Variants in CIC observed in about 807,000 individuals in gnomAD.
CIC encodes capicua transcriptional repressor, also known as protein capicua homolog.
Under a neutral mutation model 115.7 loss-of-function variants are expected in CIC, and 18 were observed. That is an observed-to-expected ratio of 0.16 (90% CI 0.11 to 0.23). CIC has a LOEUF of 0.23. CIC is among the 10% of genes least tolerant of loss of function. CIC has a pLI of 1.00. For missense variants in CIC, 2,000 were observed against 2,159.3 expected (o/e 0.93, Z 1.46); for synonymous variants, 1,076 against 923.0 (o/e 1.17, Z -3.01).
At position 42,292,481 on chromosome 19, in the gene CIC, G is replaced by T. The variant is rs1216734844; in HGVS notation, c.5902+15G>T. The stretch of plus-strand genomic sequence containing the variant: ...CCTGCTCTCAGGTGAGGGGCGGCCT[G>T]GCAGGCAGTGCTGGGGACCCAGGGT... On this transcript the variant is annotated intron_variant, in intron 14 of 20. Transcript: ENST00000681038. 4 of 1,611,414 alleles carry T rather than the reference G, an allele frequency of 2.5e-6. No individual in the cohort carries two copies. In the South Asian group the frequency reaches 3.3e-5, roughly 13 times the overall value.
At chr19:42,292,927 G>C (rs2038247993) in intron 15 of CIC, 29 bp from the exon 16 acceptor site, 2 of 1,613,928 alleles carry the variant, frequency 1.2e-6, no homozygotes, top group Admixed American at 1.7e-5. Context: ...AGTCAGGCCT[G>C]GCTCAGCAAA....
chr19:42,293,349 TTTCTGTCCTACTC>T, intron 16 of CIC, 68 bp downstream of exon 16: 2 of 1,479,082 alleles, frequency 1.4e-6, no homozygotes, highest in Non-Finnish European at 1.8e-6. Flanking sequence ...CGTCTTTGCT[TTTCTGTCCTACTC>T]TTCTTTCCAT....
intron 3 of CIC, 23 bp from the exon 4 acceptor site, chr19:42,286,983 C>G (rs2147174176): frequency 6.2e-7 from 1 of 1,608,394 alleles, no homozygotes; most frequent in Non-Finnish European, 8.5e-7. Context: ...TAGGAGCCCT[C>G]TGATCTACCT....
In CIC at chr19:42,294,113, G is replaced by A. The variant is rs751466162; in HGVS notation, c.6922+24G>A. The A allele has an allele frequency of 3.1e-6, 5 of 1,613,596 alleles. No homozygotes were observed. In the African/African-American group the frequency reaches 4.0e-5, roughly 13 times the overall value. The stretch of plus-strand genomic sequence containing the variant: ...GGGTAGGCGAGCATTGGGCACCCAG[G>A]GTCCTTAGGTGGAGGGCAGACTGGG... On this transcript the variant is annotated intron_variant, in intron 18 of 20. Coordinates refer to ENST00000681038, the MANE Select transcript of CIC (RefSeq NM_001386298.1).
intron 2 of CIC, among the ~76,000 whole-genome samples, chr19:42,277,220 A>G (rs2037016936): frequency 1.3e-5 from 2 of 152,230 alleles, no homozygotes; most frequent in Admixed American, 1.3e-4. Context: ...CGGGTCCTCC[A>G]GCTAGGAAGA....
Position 42,287,530 on chromosome 19 carries a change from CTG to C in CIC, c.3310-11_3310-10del, listed in dbSNP as rs1568504797. 1 of 1,613,012 alleles carries C rather than the reference CTG, an allele frequency of 6.2e-7. No homozygotes were observed. Among genetic ancestry groups the C allele is most frequent in the Non-Finnish European group, 8.5e-7 (1 of 1,180,038 alleles). On this transcript the variant is annotated splice_polypyrimidine_tract_variant and intron_variant, in intron 5 of 20. Coordinates refer to ENST00000681038, the MANE Select transcript of CIC (RefSeq NM_001386298.1). The surrounding 1 kb of genome is among the most constrained non-coding windows in gnomAD (Gnocchi z 8.7). ...CAGGTCCTAACTGTCCCGCTCTGGG[CTG>C]TGTTTAATGCAGCGGGAGAAGGACC...
intron 16 of CIC, 52 bp from the exon 17 acceptor site, chr19:42,293,540 C>G (rs1171997274): frequency 6.2e-7 from 1 of 1,612,394 alleles, no homozygotes; most frequent in East Asian, 2.2e-5. Flanking sequence ...CTGGCCTTTG[C>G]CCCAGAGTCT....
In CIC at chr19:42,290,253, T is replaced by A; in HGVS notation, c.4212T>A (p.Phe1404Leu). ...EGNKGFGRKVFSPVIRSSFTH... is the reference protein window; with the variant it reads ...EGNKGFGRKVLSPVIRSSFTH... ...TGCAGGGCTTTGGTCGGAAGGTGTT[T>A]TCACCTGTGATCCGTTCCTCCTTTA... Residue 1404 changes from phenylalanine (F) to leucine (L), a missense_variant, in exon 11 of 21, where the codon TTT becomes TTA. Around this residue, in one of 8 missense-constraint regions of CIC, gnomAD observed 1,466 missense variants for 1,390.4 expected, o/e 1.05. Coordinates refer to ENST00000681038, the MANE Select transcript of CIC (RefSeq NM_001386298.1). 1 of 1,614,036 alleles carries A rather than the reference T, an allele frequency of 6.2e-7. No individual in the cohort carries two copies. The highest frequency in any genetic ancestry group is 8.5e-7 in the Non-Finnish European group (1 of 1,179,968).
At chr19:42,283,084 G>A (rs1225071391) in intron 2 of CIC, among the ~76,000 whole-genome samples, 1 of 152,140 alleles carries the variant, frequency 6.6e-6, no homozygotes, top group South Asian at 2.1e-4. Flanking sequence ...GCACCCATTA[G>A]GGTAGGATTA....
rs527290994 is a variant in CIC at position 42,285,293 on chromosome 19, G to C, written c.2795-1478G>C. 2.6e-5 allele frequency among the ~76,000 whole-genome samples: 4 copies of C among 152,260 alleles called. No individual in the cohort carries two copies. The South Asian group carries it at 8.3e-4, about 32-fold the overall frequency. On this transcript the variant is annotated intron_variant, in intron 2 of 20. Transcript: ENST00000681038. ...ACCAAAGGACTGCCCTCCATTGTCT[G>C]CTGGGTCCCTTTTCCCCACCCCCCA...
rs143373662 is a variant in CIC at position 42,291,341 on chromosome 19, C to A, written c.5300C>A (p.Pro1767His). The A allele has an allele frequency of 1.9e-5, 30 of 1,612,670 alleles. No individual in the cohort carries two copies. The highest frequency in any genetic ancestry group is 1.1e-5 in the South Asian group (1 of 91,086). The change falls in exon 11 of 21, where the codon CCC (proline) becomes CAC (histidine). Residue 1767 changes from proline to histidine, a missense_variant. Pro to His is a moderately conservative substitution (Grantham distance 77, BLOSUM62 -2). Around this residue, in one of 8 missense-constraint regions of CIC, gnomAD observed 1,466 missense variants for 1,390.4 expected, o/e 1.05. Coordinates refer to ENST00000681038, the MANE Select transcript of CIC (RefSeq NM_001386298.1). Reference sequence around the variant, plus strand: ...GCAGCGGCTCCCAGCGGCCCTGCACCCACCACCAGCATCCGTTTCACCCTC... The same window carrying A: ...GCAGCGGCTCCCAGCGGCCCTGCACACACCACCAGCATCCGTTTCACCCTC... Reference protein sequence around the residue: ...TKAAAPSGPAPTTSIRFTLPP... With the variant: ...TKAAAPSGPAHTTSIRFTLPP...
At chr19:42,281,781 G>A (rs1413123163) in intron 2 of CIC, among the ~76,000 whole-genome samples, 10 of 151,550 alleles carry the variant, frequency 6.6e-5, no homozygotes, top group Non-Finnish European at 1.5e-4. Flanking sequence ...TGCCCCGGAC[G>A]GGGCCTCTTC....
At chr19:42,284,636 G>T (rs2037483616) in intron 2 of CIC, 3 of 1,249,904 alleles carry the variant, frequency 2.4e-6, no homozygotes, top group Non-Finnish European at 3.3e-6. Flanking sequence ...CGAGGAGCGG[G>T]CTGCGGGCGG....
At chr19:42,284,023 G>T (rs113888433) in intron 2 of CIC, 1 of 149,274 alleles carries the variant, frequency 6.7e-6, no homozygotes, top group African/African-American at 2.4e-5. Flanking sequence ...AGGGGCGGGG[G>T]GAGGCGCGGC....
Position 42,272,197 on chromosome 19 carries a change from A to G in CIC, c.414A>G (p.Glu138=), listed in dbSNP as rs1304378326. Residue 138 remains glutamate (E), a synonymous_variant, in exon 2 of 21, where the codon GAA becomes GAG. Coordinates refer to ENST00000681038, the MANE Select transcript of CIC (RefSeq NM_001386298.1). ...GCAGTGGGGTGGCTGGGGCCCCTGA[A>G]GAGCGGGTGCGGACCCCTGAGGAGG... ...AGSSGVAGAP[E]ERVRTPEEAS... is the part of the protein sequence containing the mutation. The G allele has an allele frequency of 7.5e-6, 3 of 398,948 alleles. No homozygotes were observed. Among genetic ancestry groups the G allele is most frequent in the Non-Finnish European group, 8.8e-6 (2 of 226,316 alleles). The allele number at this position is 398,948 out of a possible 1,614,324, so 24.7% of individuals were successfully genotyped here.
At position 42,292,788 on chromosome 19, in the gene CIC, T is replaced by G. The variant is rs954343639; in HGVS notation, c.6125T>G (p.Ile2042Ser). 1.9e-6 allele frequency: 3 copies of G among 1,613,380 alleles called. No individual in the cohort carries two copies. The highest frequency in any genetic ancestry group is 2.7e-5 in the African/African-American group (2 of 74,846). Residue 2042 changes from isoleucine (I) to serine (S), a missense_variant, in exon 15 of 21, where the codon ATT becomes AGT. Physicochemically the swap from Ile to Ser is moderately radical, Grantham distance 142 (BLOSUM62 -2). Coordinates refer to ENST00000681038, the MANE Select transcript of CIC (RefSeq NM_001386298.1). ...AGCACAACCCCACCTGCAGCCACCATTCTGCCCAAGGGCCCGCCAGCCCCT... is the reference window on the plus strand; with the variant it reads ...AGCACAACCCCACCTGCAGCCACCAGTCTGCCCAAGGGCCCGCCAGCCCCT... ...ATSTTPPAAT[I>S]LPKGPPAPAT...
rs1444495506 is a variant in CIC, at chr19:42,295,063, G to A, written c.7426G>A (p.Gly2476Ser). The A allele has an allele frequency of 1.3e-6, 2 of 1,526,944 alleles. No individual in the cohort carries two copies. Among genetic ancestry groups the A allele is most frequent in the Middle Eastern group, 1.8e-4 (1 of 5,468 alleles). The allele number at this position is 1,526,944 out of a possible 1,614,324, so 94.6% of individuals were successfully genotyped here. The stretch of plus-strand genomic sequence containing the variant: ...CCCCACCTCACCCAGCTCGGACTCT[G>A]GCACGGCCCAGGCTGCCCCGCCACT... ...PDPTSPSSDS[G>S]TAQAAPPLPP... is the part of the protein sequence containing the mutation. The change falls in exon 21 of 21, where the codon GGC becomes AGC. Residue 2476 changes from glycine to serine, a missense_variant. Gly to Ser is a moderately conservative substitution (Grantham distance 56). This residue lies in a region of CIC where 133 missense variants were observed against 116.0 expected (regional missense o/e 1.15). Coordinates refer to ENST00000681038, the MANE Select transcript of CIC (RefSeq NM_001386298.1).
chr19:42,288,476 T>C (rs1007316796), intron 7 of CIC, among the ~76,000 whole-genome samples: 1 of 152,078 alleles, frequency 6.6e-6, no homozygotes, highest in Non-Finnish European at 1.5e-5. Context: ...CTGGGGCACA[T>C]TTTTGGAGTG....
chr19:42,278,675 A>G (rs2037088157), intron 2 of CIC, among the ~76,000 whole-genome samples: 1 of 152,110 alleles, frequency 6.6e-6, no homozygotes, highest in Non-Finnish European at 1.5e-5. Context: ...CCAGCCTCCC[A>G]GCCCCACCCT....
Sources: gnomAD v4.1 joint callset for allele counts (sites outside exome capture counted in the v4.1 genomes callset) on GRCh38, gnomAD v4.1.1 for gene constraint, gnomAD v4.1.1 regional missense constraint, Gnocchi (gnomAD v3.1) non-coding constraint, MANE v1.5 for transcripts, NCBI Gene and HGNC (gene_info 2026-07-23, HGNC 2026-07-21) for gene names.